The following MMP16 variants were observed in gnomAD, a reference collection of about 807,000 sequenced individuals.
The protein encoded by MMP16 is matrix metalloproteinase-16.
Under a neutral mutation model 67.8 loss-of-function variants are expected in MMP16, and 12 were observed. That is an observed-to-expected ratio of 0.18 (90% CI 0.11 to 0.29). MMP16 has a LOEUF of 0.29. Among genes scored for constraint, MMP16 ranks in the 10% least tolerant of loss-of-function variants. The probability of loss-of-function intolerance (pLI) is 1.00; values close to 1 mark genes in which losing one functional copy is unlikely to be tolerated. For synonymous variants in MMP16, 249 were observed against 255.9 expected, an observed-to-expected ratio of 0.97 and a Z score of 0.26; for missense variants, 475 against 765.7, an observed-to-expected ratio of 0.62 and a Z score of 4.48.
intron 8 of MMP16, among the ~76,000 whole-genome samples, chr8:88,048,369 C>T (rs1808225233): frequency 6.6e-6 from 1 of 152,146 alleles, no homozygotes; most frequent in African/African-American, 2.4e-5. Flanking sequence ...TTGTGAACAT[C>T]CCTACTTTGG....
intron 1 of MMP16, among the ~76,000 whole-genome samples, chr8:88,227,232 A>G (rs1809785149): frequency 1.3e-5 from 2 of 152,202 alleles, no homozygotes; most frequent in South Asian, 4.1e-4. Flanking sequence ...AAATTCTTAC[A>G]ATATACATAT....
chr8:88,313,869 TC>T (rs1563593070), intron 1 of MMP16, among the ~76,000 whole-genome samples: 1 of 151,828 alleles, frequency 6.6e-6, no homozygotes, highest in South Asian at 2.1e-4. Context: ...GCAGAGAAAC[TC>T]CCCCTTACAG....
rs1299263576 is a variant in MMP16 at position 88,186,414 on chromosome 8, G to GT, written c.404+61dup. ...CAACGTGCAGAAGATACTAAACTAT[G>GT]TGTCAAAACAAATAGTAATGAAATA... is the stretch of plus-strand genomic sequence containing the variant. On this transcript the variant is annotated intron_variant, in intron 3 of 9. Coordinates refer to ENST00000286614, the MANE Select transcript of MMP16 (RefSeq NM_005941.5). 10 of 1,585,938 alleles carry GT rather than the reference G, an allele frequency of 6.3e-6. No homozygotes were observed. The Admixed American group carries it at 1.3e-4, about 21-fold the overall frequency.
At chr8:88,292,006 C>T (rs904900593) in intron 1 of MMP16, among the ~76,000 whole-genome samples, 14 of 152,036 alleles carry the variant, frequency 9.2e-5, no homozygotes, top group Admixed American at 2.6e-4. Flanking sequence ...TTCTACGTAA[C>T]TAGTATTTTG....
At chr8:88,203,329 C>T (rs916322795) in intron 1 of MMP16, among the ~76,000 whole-genome samples, 1 of 151,978 alleles carries the variant, frequency 6.6e-6, no homozygotes, top group Non-Finnish European at 1.5e-5. Context: ...GTCTCGATCT[C>T]TTGACCTCGT....
At chr8:88,173,488 G>T (rs549194032) in intron 3 of MMP16, among the ~76,000 whole-genome samples, 43 of 151,970 alleles carry the variant, frequency 2.8e-4, no homozygotes, top group Admixed American at 7.9e-4. Context: ...TATAAACAGG[G>T]CTAAATCTCC....
At chr8:88,048,256 T>C (rs1257507283) in intron 8 of MMP16, among the ~76,000 whole-genome samples, 2 of 152,090 alleles carry the variant, frequency 1.3e-5, no homozygotes, top group East Asian at 1.9e-4. Flanking sequence ...TTAATACAAG[T>C]AAAAGCAAAG....
intron 1 of MMP16, among the ~76,000 whole-genome samples, chr8:88,268,706 G>T (rs965357722): frequency 6.6e-6 from 1 of 152,114 alleles, no homozygotes; most frequent in East Asian, 1.9e-4. Context: ...TTAAGCAAAG[G>T]TTTTGATTTT....
intron 1 of MMP16, among the ~76,000 whole-genome samples, chr8:88,234,194 C>A (rs7816422): frequency 2.0e-5 from 3 of 151,990 alleles, no homozygotes; most frequent in South Asian, 2.1e-4. Context: ...TTCATATTAC[C>A]GAATAGCAGA....
intron 2 of MMP16, among the ~76,000 whole-genome samples, chr8:88,192,862 C>T (rs148841352): frequency 1.6e-4 from 25 of 152,078 alleles, no homozygotes; most frequent in African/African-American, 5.1e-4. Flanking sequence ...AGATATCATC[C>T]TACCCCAGTT....
rs1443115823 is a variant in MMP16 at position 88,038,839 on chromosome 8, A to C, written c.*2622T>G. 6.6e-6 allele frequency: 1 copy of C among 152,562 alleles called. No homozygotes were observed. The highest frequency in any genetic ancestry group is 2.4e-5 in the African/African-American group (1 of 41,436). The allele number at this position is 152,562 out of a possible 1,614,324, so 9.5% of individuals were successfully genotyped here. On this transcript the variant is annotated 3_prime_UTR_variant, in exon 10 of 10. Transcript: ENST00000286614. The surrounding 1 kb of genome is among the most constrained non-coding windows in gnomAD (Gnocchi z 4.1). The stretch of plus-strand genomic sequence containing the variant: ...TTGCTTTCTTGGCCCTTGCGTACAT[A>C]ATCTCCAATATCCTCTTAAAATATT...
chr8:88,239,236 A>G (rs192109345), intron 1 of MMP16, among the ~76,000 whole-genome samples: 357 of 138,674 alleles, frequency 2.6e-3, no homozygotes, highest in African/African-American at 9.0e-3. Flanking sequence ...CGGAGGTTGC[A>G]GTGAACTGAG....
At chr8:88,139,510 T>C (rs1808176026) in intron 4 of MMP16, among the ~76,000 whole-genome samples, 1 of 151,272 alleles carries the variant, frequency 6.6e-6, no homozygotes, top group Admixed American at 6.7e-5. Context: ...TATACATATG[T>C]AGGGAGCTTT....
chr8:88,148,576 C>T (rs1016218994), intron 4 of MMP16, among the ~76,000 whole-genome samples: 5 of 152,116 alleles, frequency 3.3e-5, no homozygotes, highest in Admixed American at 2.6e-4. Context: ...TCACCTTGCC[C>T]TTGAACTAAG....
At chr8:88,125,049 G>A (rs922389) in intron 4 of MMP16, among the ~76,000 whole-genome samples, 93,936 of 151,658 alleles carry the variant, frequency 0.62, 30,074 homozygotes, top group African/African-American at 0.78. Context: ...GCTTCAACCT[G>A]TGAATTTTGT....
intron 7 of MMP16, among the ~76,000 whole-genome samples, chr8:88,068,933 C>G (rs989339282): frequency 3.3e-5 from 5 of 152,080 alleles, no homozygotes; most frequent in Admixed American, 3.3e-4. Flanking sequence ...AACTCCTGAC[C>G]TCGAGTGATC....
intron 1 of MMP16, among the ~76,000 whole-genome samples, chr8:88,234,087 G>T (rs1433687151): frequency 6.6e-6 from 1 of 152,142 alleles, no homozygotes; most frequent in African/African-American, 2.4e-5. Flanking sequence ...GTTTCATTAA[G>T]TGTATGTGTT....
intron 4 of MMP16, among the ~76,000 whole-genome samples, chr8:88,164,401 G>A (rs1040132445): frequency 1.3e-5 from 2 of 152,050 alleles, no homozygotes; most frequent in South Asian, 2.1e-4. Context: ...AATCGAGGAT[G>A]TACAAATGAA....
intron 2 of MMP16, among the ~76,000 whole-genome samples, chr8:88,195,546 G>A (rs1467218933): frequency 1.3e-5 from 2 of 152,158 alleles, no homozygotes; most frequent in African/African-American, 2.4e-5. Context: ...GGTACTATAC[G>A]TGGCAGCAAA....
Sources: gnomAD v4.1 joint callset for allele counts (sites outside exome capture counted in the v4.1 genomes callset) on GRCh38, gnomAD v4.1.1 for gene constraint, Gnocchi (gnomAD v3.1) non-coding constraint, MANE v1.5 for transcripts, NCBI Gene and HGNC (gene_info 2026-07-23, HGNC 2026-07-21) for gene names.